Variants in TNNC2 observed in about 807,000 individuals in gnomAD.
TNNC2 encodes the protein troponin C2, fast skeletal type, also known as troponin C, skeletal muscle.
In TNNC2, 14 loss-of-function variants were observed where a neutral mutation model predicts 20.0. The observed-to-expected ratio is 0.70, with a 90% CI of 0.46 to 1.09. The LOEUF is 1.09. TNNC2 is among the 50% of genes least tolerant of loss of function. The probability of loss-of-function intolerance (pLI) is 0.00; values close to 1 mark genes in which losing one functional copy is unlikely to be tolerated. For synonymous variants in TNNC2, 81 were observed against 77.3 expected (o/e 1.05, Z -0.25); for missense variants, 163 against 223.8 (o/e 0.73, Z 1.73).
At chr20:45,825,415 T>C (rs1323659672) in intron 1 of TNNC2, among the ~76,000 whole-genome samples, 23 of 147,402 alleles carry the variant, frequency 1.6e-4, no homozygotes, top group East Asian at 8.3e-4. Flanking sequence ...CCTCAGCCTC[T>C]CGAGTAGCTG....
upstream of TNNC2, among the ~76,000 whole-genome samples, chr20:45,827,536 C>T (rs961171584): frequency 6.6e-6 from 1 of 152,146 alleles, no homozygotes; most frequent in African/African-American, 2.4e-5. Context: ...GTGAGGAAGG[C>T]CTGCCCTGTT....
At chr20:45,826,035 C>T (rs1601056202) in intron 1 of TNNC2, among the ~76,000 whole-genome samples, 1 of 146,408 alleles carries the variant, frequency 6.8e-6, no homozygotes, top group Admixed American at 6.9e-5. Context: ...ACCTTAGGCA[C>T]GTCAATTAGC....
At chr20:45,828,022 C>T (rs983788796), upstream of TNNC2, among the ~76,000 whole-genome samples, 7 of 152,096 alleles carry the variant, frequency 4.6e-5, no homozygotes, top group African/African-American at 1.7e-4. Flanking sequence ...CAACGATTAT[C>T]CCCACTTGAC....
intron 2 of TNNC2, 42 bp downstream of exon 2, chr20:45,824,741 G>T: frequency 9.7e-7 from 1 of 1,031,808 alleles, no homozygotes; most frequent in Non-Finnish European, 1.3e-6. Context: ...CATGTCCCCA[G>T]CATACATCCA....
chr20:45,832,557 T>A (rs1446121741), intron 2 of TNNC2, among the ~76,000 whole-genome samples: 2 of 152,230 alleles, frequency 1.3e-5, no homozygotes, highest in Non-Finnish European at 2.9e-5. Flanking sequence ...CCCCAGCCTT[T>A]CTGCTCACAT....
upstream of TNNC2, among the ~76,000 whole-genome samples, chr20:45,829,678 G>T (rs1983064107): frequency 6.6e-6 from 1 of 151,762 alleles, no homozygotes; most frequent in African/African-American, 2.4e-5. Flanking sequence ...TACTTGGGAG[G>T]CTGAGGCTGA....
At chr20:45,827,313 G>A (rs954079450), upstream of TNNC2, 5 of 1,611,774 alleles carry the variant, frequency 3.1e-6, no homozygotes, top group Non-Finnish European at 4.2e-6. Flanking sequence ...ACCCAAAGAT[G>A]ACCTGGCCTG....
upstream of TNNC2, among the ~76,000 whole-genome samples, chr20:45,831,746 AG>A (rs1382746758): frequency 6.6e-6 from 1 of 152,226 alleles, no homozygotes; most frequent in African/African-American, 2.4e-5. Context: ...TATATGACCC[AG>A]CATAAGCCCT....
upstream of TNNC2, among the ~76,000 whole-genome samples, chr20:45,827,809 C>T (rs1477539936): frequency 1.3e-5 from 2 of 152,096 alleles, no homozygotes; most frequent in African/African-American, 4.8e-5. Context: ...AATGGGAACC[C>T]GGGTATAAGT....
upstream of TNNC2, among the ~76,000 whole-genome samples, chr20:45,828,239 T>G (rs1244919146): frequency 2.0e-5 from 3 of 148,086 alleles, no homozygotes; most frequent in African/African-American, 7.4e-5. Context: ...GGTTTCACCA[T>G]GTTGCCCAGG....
upstream of TNNC2, among the ~76,000 whole-genome samples, chr20:45,830,360 ACTACT>A: frequency 1.4e-5 from 2 of 147,370 alleles, no homozygotes; most frequent in East Asian, 3.9e-4. Context: ...AAAAAAAAAG[ACTACT>A]CTAAACACCA....
At chr20:45,825,713 G>A (rs564012689) in intron 1 of TNNC2, among the ~76,000 whole-genome samples, 1 of 148,288 alleles carries the variant, frequency 6.7e-6, no homozygotes, top group African/African-American at 2.5e-5. Flanking sequence ...CCCCACCTCC[G>A]GGGTTCAAGC....
In TNNC2 at chr20:45,823,452, A is replaced by C. The variant is rs1982862838; in HGVS notation, c.452-73T>G. ...GAGGCCAGGCCAGGGCTCCAGCCAC[A>C]CAGAGGGGATGACTTTTTGTTTTTG... On this transcript the variant is annotated intron_variant, in intron 5 of 5. Transcript: ENST00000372555. This position sits in a 1 kb window ranked among gnomAD's most constrained non-coding sequence, Gnocchi z 4.6. 2 of 1,438,144 alleles carry C rather than the reference A, an allele frequency of 1.4e-6. No homozygotes were observed. Among genetic ancestry groups the C allele is most frequent in the Non-Finnish European group, 1.9e-6 (2 of 1,055,312 alleles). 89.1% of individuals were successfully genotyped at this position (1,438,144 alleles called of 1,614,324 possible). A position where few individuals can be genotyped will look rare whatever the true frequency, so the allele number is the denominator to read the frequency against.
At chr20:45,829,165 T>G (rs1270873922), upstream of TNNC2, among the ~76,000 whole-genome samples, 1 of 147,030 alleles carries the variant, frequency 6.8e-6, no homozygotes, top group Non-Finnish European at 1.5e-5. Flanking sequence ...TTTTGGTTTT[T>G]TTTTTTTTTT....
chr20:45,831,266 C>T (rs1033116549), upstream of TNNC2, among the ~76,000 whole-genome samples: 11 of 152,082 alleles, frequency 7.2e-5, no homozygotes, highest in African/African-American at 2.4e-4. Context: ...AGCCTCACAA[C>T]AGAGTGAGAC....
upstream of TNNC2, among the ~76,000 whole-genome samples, chr20:45,827,993 T>C (rs922385019): frequency 6.6e-6 from 1 of 152,198 alleles, no homozygotes; most frequent in Non-Finnish European, 1.5e-5. Flanking sequence ...TCTCATCTAG[T>C]GCTCCTCCTA....
chr20:45,823,821 C>T lies in TNNC2; in HGVS notation c.451+170G>A, dbSNP rs1168244684. The stretch of plus-strand genomic sequence containing the variant: ...CCTGGTCATTAATTGATAAACTGCA[C>T]AGAGTCGTGGAGCGCTTCTATACCT... On this transcript the variant is annotated intron_variant, in intron 5 of 5. Transcript: ENST00000372555. The surrounding 1 kb of genome is among the most constrained non-coding windows in gnomAD (Gnocchi z 4.6). Among the ~76,000 whole-genome samples, 2 of 152,084 alleles carry T rather than the reference C, an allele frequency of 1.3e-5. No homozygotes were observed. Among genetic ancestry groups the T allele is most frequent in the African/African-American group, 2.4e-5 (1 of 41,400 alleles).
upstream of TNNC2, among the ~76,000 whole-genome samples, chr20:45,827,535 G>C (rs540377070): frequency 6.6e-6 from 1 of 152,152 alleles, no homozygotes; most frequent in South Asian, 2.1e-4. Flanking sequence ...TGTGAGGAAG[G>C]CCTGCCCTGT....
chr20:45,824,936 G>A lies in TNNC2; in HGVS notation c.4-102C>T. 3 of 1,298,306 alleles carry A rather than the reference G, an allele frequency of 2.3e-6. No homozygotes were observed. In the South Asian group the frequency reaches 3.7e-5, roughly 16 times the overall value. The allele number at this position is 1,298,306 out of a possible 1,614,324, so 80.4% of individuals were successfully genotyped here. On this transcript the variant is annotated intron_variant, in intron 1 of 5. Coordinates refer to ENST00000372555, the MANE Select transcript of TNNC2 (RefSeq NM_003279.3). ...AACCCCCACTCTGTCAGCGCCCTTG[G>A]TTCTCCAGAAGAACAACTTCAAACT...
Sources: allele counts gnomAD v4.1 joint callset (sites outside exome capture counted in the v4.1 genomes callset), GRCh38; gene constraint gnomAD v4.1.1; non-coding constraint Gnocchi (gnomAD v3.1); transcripts MANE v1.5; gene names NCBI Gene and HGNC (gene_info 2026-07-23, HGNC 2026-07-21).